C4BPA: variants seen among roughly 807,000 people sequenced by gnomAD.
The protein encoded by C4BPA is complement component 4 binding protein alpha.
In C4BPA, 31 loss-of-function variants were observed where a neutral mutation model predicts 63.7. The ratio of observed to expected loss-of-function variants is 0.49; its 90% confidence interval spans 0.37 to 0.66. C4BPA has a LOEUF of 0.66. C4BPA is among the 30% of genes least tolerant of loss of function. The pLI, the probability that C4BPA is intolerant of heterozygous loss-of-function variation, is 0.00. For missense variants in C4BPA, 572 were observed against 723.3 expected (o/e 0.79, Z 2.40); for synonymous variants, 259 against 254.7 (o/e 1.02, Z -0.16).
chr1:207,140,034 C>A (rs983540566), intron 9 of C4BPA, among the ~76,000 whole-genome samples: 1 of 152,192 alleles, frequency 6.6e-6, no homozygotes, highest in Admixed American at 6.5e-5. Context: ...GTTTAATCTT[C>A]ATAACTCTCA....
intron 7 of C4BPA, among the ~76,000 whole-genome samples, chr1:207,128,986 A>G (rs1685106732): frequency 6.6e-6 from 1 of 152,220 alleles, no homozygotes; most frequent in Non-Finnish European, 1.5e-5. Context: ...AAGTTCAAAG[A>G]ATCACAAAGC....
chr1:207,110,068 A>T (rs1371672148), intron 1 of C4BPA, among the ~76,000 whole-genome samples: 1 of 152,236 alleles, frequency 6.6e-6, no homozygotes, highest in Non-Finnish European at 1.5e-5. Context: ...ATTGTGGGGC[A>T]GAAATAAATG....
chr1:207,126,553 G>A (rs913201724), intron 6 of C4BPA, among the ~76,000 whole-genome samples, 160 bp from the exon 7 acceptor site: 13 of 151,230 alleles, frequency 8.6e-5, no homozygotes, highest in African/African-American at 2.7e-4. Flanking sequence ...GTATGCGTTT[G>A]TGTATGTGTA....
At position 207,144,726 on chromosome 1, in the gene C4BPA, A is replaced by G. The variant is rs755007651; in HGVS notation, c.*9A>G. On this transcript the variant is annotated 3_prime_UTR_variant, in exon 12 of 12. Coordinates refer to ENST00000367070, the MANE Select transcript of C4BPA (RefSeq NM_000715.4). ...TGGATAAAGAACTATAATTTTTCTC[A>G]AAAGAAGGAGGAAAAGGTGTCTTGC... 9.4e-6 allele frequency: 15 copies of G among 1,587,592 alleles called. No individual in the cohort carries two copies. In the East Asian group the frequency reaches 3.2e-4, roughly 34 times the overall value.
chr1:207,141,077 C>T (rs774549167), intron 9 of C4BPA, 29 bp from the exon 10 acceptor site: 2 of 1,577,726 alleles, frequency 1.3e-6, no homozygotes, highest in Non-Finnish European at 1.7e-6. Flanking sequence ...CAAACTAATG[C>T]TCTCTCACTT....
chr1:207,144,809 C>A lies in C4BPA; in HGVS notation c.*92C>A. The A allele has an allele frequency of 1.5e-6, 1 of 670,792 alleles. No homozygotes were observed. The highest frequency in any genetic ancestry group is 2.3e-6 in the Non-Finnish European group (1 of 435,592). The allele number at this position is 670,792 out of a possible 1,614,324, so 41.6% of individuals were successfully genotyped here. A position where few individuals can be genotyped will look rare whatever the true frequency, so the allele number is the denominator to read the frequency against. On this transcript the variant is annotated 3_prime_UTR_variant, in exon 12 of 12. Transcript: ENST00000367070. Reference sequence around the variant, plus strand: ...TTTAGCAAATCTACTGTCAATTTGGCAGTGATATTCATCATAATAAATATC... The same window carrying A: ...TTTAGCAAATCTACTGTCAATTTGGAAGTGATATTCATCATAATAAATATC...
chr1:207,137,267 A>G (rs1310662787), intron 9 of C4BPA, among the ~76,000 whole-genome samples: 1 of 152,236 alleles, frequency 6.6e-6, no homozygotes, highest in East Asian at 1.9e-4. Flanking sequence ...TGTGAACCCA[A>G]AATGTCTGAG....
intron 4 of C4BPA, among the ~76,000 whole-genome samples, chr1:207,117,982 T>A (rs539299226): frequency 2.0e-5 from 3 of 152,230 alleles, no homozygotes; most frequent in Admixed American, 1.3e-4. Context: ...TGTTTCTTCA[T>A]GTGTGTTTCA....
intron 9 of C4BPA, among the ~76,000 whole-genome samples, chr1:207,136,841 C>A (rs982437779): frequency 6.6e-6 from 1 of 152,180 alleles, no homozygotes; most frequent in African/African-American, 2.4e-5. Flanking sequence ...TACCCTCCCC[C>A]TACTAGAGCA....
intron 1 of C4BPA, among the ~76,000 whole-genome samples, chr1:207,106,058 G>A (rs1412535664): frequency 6.6e-6 from 1 of 152,184 alleles, no homozygotes; most frequent in Admixed American, 6.5e-5. Flanking sequence ...TGATATCCAA[G>A]AAGCTGATAT....
At chr1:207,144,419 A>G in intron 11 of C4BPA, 125 bp from the exon 12 acceptor site, 1 of 733,448 alleles carries the variant, frequency 1.4e-6, no homozygotes, top group Admixed American at 3.0e-5. Flanking sequence ...TTGTTTTCCC[A>G]GCCTCAACCA....
intron 8 of C4BPA, 148 bp downstream of exon 8, chr1:207,131,888 G>A: frequency 3.3e-6 from 2 of 601,554 alleles, no homozygotes; most frequent in South Asian, 2.3e-5. Flanking sequence ...TGCCAGAAGG[G>A]GACCATAAAC....
In C4BPA at chr1:207,115,428, G is replaced by A. The variant is rs1319528471; in HGVS notation, c.341G>A (p.Arg114Lys). 6.3e-7 allele frequency: 1 copy of A among 1,584,780 alleles called. No individual in the cohort carries two copies. The highest frequency in any genetic ancestry group is 8.6e-7 in the Non-Finnish European group (1 of 1,166,994). ...ATTTTTCTCCCAGACAAACGATGCA[G>A]ACACCCAGGAGAGTTACGTAATGGG... The part of the protein sequence containing the change: ...YNTFCIYKRC[R>K]HPGELRNGQV... The change falls in exon 4 of 12, where the codon AGA becomes AAA. Residue 114 changes from arginine (R) to lysine (K), a missense_variant. By Grantham distance (26) the Arg-to-Lys change is conservative. Coordinates refer to ENST00000367070, the MANE Select transcript of C4BPA (RefSeq NM_000715.4).
chr1:207,142,971 A>G (rs1685453125), intron 10 of C4BPA, among the ~76,000 whole-genome samples: 2 of 152,186 alleles, frequency 1.3e-5, no homozygotes, highest in South Asian at 4.1e-4. Context: ...TTGACCCAGC[A>G]ATCCCATTAC....
chr1:207,139,077 A>G (rs187232345), intron 9 of C4BPA, among the ~76,000 whole-genome samples: 10 of 152,206 alleles, frequency 6.6e-5, no homozygotes, highest in Non-Finnish European at 1.3e-4. Context: ...CAAGAGGGTT[A>G]TCATAGCCCA....
chr1:207,112,490 T>G (rs1203418250), intron 1 of C4BPA, among the ~76,000 whole-genome samples: 1 of 152,168 alleles, frequency 6.6e-6, no homozygotes, highest in Non-Finnish European at 1.5e-5. Flanking sequence ...ATCTTGTGCA[T>G]GTCTGCCATA....
intron 4 of C4BPA, among the ~76,000 whole-genome samples, chr1:207,118,219 CT>C (rs1385315176): frequency 8.0e-5 from 12 of 149,852 alleles, no homozygotes; most frequent in African/African-American, 3.0e-4. Flanking sequence ...ATCTGTCTAT[CT>C]ATCTATCTAT....
chr1:207,106,457 T>TTTTTTTTTTTTTTTTTTTTTG (rs905722793), intron 1 of C4BPA, among the ~76,000 whole-genome samples: 3 of 129,570 alleles, frequency 2.3e-5, no homozygotes, highest in Admixed American at 7.4e-5. Flanking sequence ...TTTTTTTTTT[T>TTTTTTTTTTTTTTTTTTTTTG]GAAACGGAGT....
intron 1 of C4BPA, among the ~76,000 whole-genome samples, chr1:207,108,670 G>T (rs536506686): frequency 1.2e-4 from 18 of 152,292 alleles, no homozygotes; most frequent in African/African-American, 4.3e-4. Flanking sequence ...GAGCATGGAA[G>T]TTTTTGCATG....
Sources: gnomAD v4.1 joint callset for allele counts (sites outside exome capture counted in the v4.1 genomes callset) on GRCh38, gnomAD v4.1.1 for gene constraint, MANE v1.5 for transcripts, NCBI Gene and HGNC (gene_info 2026-07-23, HGNC 2026-07-21) for gene names.